VWF: variants seen among roughly 807,000 people sequenced by gnomAD.
The protein encoded by VWF is Factor VIII related antigen.
In VWF, 176 loss-of-function variants were observed where a neutral mutation model predicts 308.6. The observed-to-expected ratio is 0.57, with a 90% confidence interval of 0.50 to 0.65. VWF has a LOEUF of 0.65. Among genes scored for constraint, VWF ranks in the 30% least tolerant of loss-of-function variants. VWF has a pLI of 0.00. For synonymous variants in VWF, 1,385 were observed against 1,443.4 expected (o/e 0.96, Z 0.92); for missense variants, 3,146 against 3,648.2 (o/e 0.86, Z 3.55).
chr12:5,968,176 G>C lies in VWF; in HGVS notation c.7730-9C>G, dbSNP rs1943426779. ...GCAGGCCTCCATGCGCTCTGGGGGA[G>C]AGAAAAGTGCAGAGTGAGAGTGGGC... On this transcript the variant is annotated splice_polypyrimidine_tract_variant and intron_variant, in intron 45 of 51. Coordinates refer to ENST00000261405, the MANE Select transcript of VWF (RefSeq NM_000552.5). 21 of 1,613,928 alleles carry C rather than the reference G, an allele frequency of 1.3e-5. No individual in the cohort carries two copies. The highest frequency in any genetic ancestry group is 1.7e-5 in the Non-Finnish European group (20 of 1,179,976).
chr12:6,015,662 T>G (rs1195828868), intron 31 of VWF, among the ~76,000 whole-genome samples: 1 of 152,052 alleles, frequency 6.6e-6, no homozygotes, highest in African/African-American at 2.4e-5. Context: ...CCATCAACCC[T>G]GCCAAGCCCA....
intron 18 of VWF, among the ~76,000 whole-genome samples, chr12:6,039,395 A>G (rs1944372748): frequency 6.6e-6 from 1 of 152,138 alleles, no homozygotes; most frequent in Non-Finnish European, 1.5e-5. Flanking sequence ...ATACATGAAC[A>G]CCATCGTGAC....
chr12:5,996,386 T>C (rs1296985911), intron 34 of VWF, among the ~76,000 whole-genome samples, 164 bp from the exon 35 acceptor site: 10 of 152,106 alleles, frequency 6.6e-5, no homozygotes, highest in Admixed American at 6.5e-4. Context: ...TTTTACAGAT[T>C]AGGAAACTGG....
intron 38 of VWF, among the ~76,000 whole-genome samples, chr12:5,990,883 AAAAAAAAAAAAAAAAAAAAAAAAAAT>A (rs1227847455): frequency 1.4e-5 from 1 of 72,680 alleles, no homozygotes; most frequent in African/African-American, 3.9e-5. Flanking sequence ...AAAAAAAAAA[AAAAAAAAAAAAAAAAAAAAAAAAAAT>A]TTTGATGACT....
chr12:5,959,779 A>G (rs1420754656), intron 47 of VWF, among the ~76,000 whole-genome samples: 2 of 151,962 alleles, frequency 1.3e-5, no homozygotes, highest in African/African-American at 2.4e-5. Context: ...CAAAAAATAA[A>G]TATTTTTAAC....
At chr12:5,980,158 T>TAAGG (rs1416995892) in intron 42 of VWF, among the ~76,000 whole-genome samples, 28 of 24,448 alleles carry the variant, frequency 1.1e-3, no homozygotes, top group African/African-American at 3.8e-3. Flanking sequence ...AGGGAGGGAG[T>TAAGG]GAGGGAGGGA....
chr12:5,982,056 G>A, intron 41 of VWF, 65 bp from the exon 42 acceptor site: 1 of 1,498,538 alleles, frequency 6.7e-7, no homozygotes, highest in Non-Finnish European at 9.2e-7. Context: ...ATTCAGCTAT[G>A]CTATAGGGTG....
chr12:6,073,475 G>A (rs530305891), intron 8 of VWF, 144 bp downstream of exon 8: 21 of 1,157,122 alleles, frequency 1.8e-5, no homozygotes, highest in East Asian at 2.5e-5. Flanking sequence ...TCCTGATCAC[G>A]CTGGACAAAG....
rs114452911 is a variant in VWF, at chr12:6,010,843, C to T, written c.5842+774G>A. ...ATCAAATTCAAAGTTTTGATTATTA[C>T]GCAAGAGTGGGTATCTAGTTATCAA... On this transcript the variant is annotated intron_variant, in intron 34 of 51. Coordinates refer to ENST00000261405, the MANE Select transcript of VWF (RefSeq NM_000552.5). 5.4e-3 allele frequency among the ~76,000 whole-genome samples: 826 copies of T among 152,280 alleles called. 10 individuals are homozygous for T. Among genetic ancestry groups the T allele is most frequent in the African/African-American group, 0.017 (721 of 41,548 alleles).
chr12:6,050,007 C>T (rs1944491307), intron 16 of VWF, among the ~76,000 whole-genome samples: 1 of 152,228 alleles, frequency 6.6e-6, no homozygotes, highest in Admixed American at 6.5e-5. Context: ...ACTCTCATGG[C>T]TGAAACTGTC....
At chr12:6,123,231 C>A in intron 1 of VWF, 35 bp from the exon 2 acceptor site, 1 of 1,613,930 alleles carries the variant, frequency 6.2e-7, no homozygotes, top group East Asian at 2.2e-5. Flanking sequence ...CTGGTCATTG[C>A]TGCCCAGGTA....
chr12:6,112,088 T>TC (rs1945313819), intron 3 of VWF, among the ~76,000 whole-genome samples: 1 of 152,230 alleles, frequency 6.6e-6, no homozygotes, highest in Non-Finnish European at 1.5e-5. Context: ...AATTTGATTA[T>TC]CCAGGAGTTT....
chr12:6,088,335 T>C (rs1944995387), intron 6 of VWF, among the ~76,000 whole-genome samples: 1 of 151,844 alleles, frequency 6.6e-6, no homozygotes, highest in Non-Finnish European at 1.5e-5. Flanking sequence ...AAGAATTAAC[T>C]GGGCGTGGTG....
chr12:5,964,175 C>T (rs1943354183), intron 47 of VWF, among the ~76,000 whole-genome samples: 5 of 150,234 alleles, frequency 3.3e-5, no homozygotes, highest in Non-Finnish European at 7.4e-5. Flanking sequence ...CGAGATCTCA[C>T]CACTGCACTC....
rs991232557 is a variant in VWF at position 6,052,476 on chromosome 12, T to C, written c.2186+67A>G. ...TTACCCATCCATGAAGTAAAGGACT[T>C]GGGGGTCCCGTTTTCCTCCCCAGCT... On this transcript the variant is annotated intron_variant, in intron 16 of 51. Coordinates refer to ENST00000261405, the MANE Select transcript of VWF (RefSeq NM_000552.5). 1.2e-5 allele frequency: 20 copies of C among 1,612,510 alleles called. No individual in the cohort carries two copies. In the South Asian group the frequency reaches 1.7e-4, roughly 13 times the overall value.
chr12:6,111,619 A>G (rs1945308735), intron 3 of VWF, among the ~76,000 whole-genome samples: 1 of 152,126 alleles, frequency 6.6e-6, no homozygotes, highest in African/African-American at 2.4e-5. Context: ...GAGTAATTAC[A>G]GGCATGAGCC....
chr12:5,978,083 T>C (rs985613511), intron 42 of VWF, among the ~76,000 whole-genome samples: 6 of 149,500 alleles, frequency 4.0e-5, no homozygotes, highest in Non-Finnish European at 5.9e-5. Flanking sequence ...GAAAACAAAT[T>C]GAAATATTAA....
intron 42 of VWF, among the ~76,000 whole-genome samples, chr12:5,980,670 G>A (rs926450879): frequency 1.3e-5 from 2 of 152,200 alleles, no homozygotes; most frequent in Non-Finnish European, 2.9e-5. Flanking sequence ...ACTTGTTCCC[G>A]CTTCTCCAAA....
chr12:5,979,405 A>C (rs1943567992), intron 42 of VWF, among the ~76,000 whole-genome samples: 1 of 152,246 alleles, frequency 6.6e-6, no homozygotes, highest in African/African-American at 2.4e-5. Context: ...TAAACTTCAC[A>C]ATGCAGAAAT....
Sources: gnomAD v4.1 joint callset for allele counts (sites outside exome capture counted in the v4.1 genomes callset) on GRCh38, gnomAD v4.1.1 for gene constraint, MANE v1.5 for transcripts, NCBI Gene and HGNC (gene_info 2026-07-23, HGNC 2026-07-21) for gene names.